The following WWOX variants were observed in gnomAD, a reference collection of about 807,000 sequenced individuals.
WWOX encodes the protein WW domain containing oxidoreductase.
A neutral mutation model predicts 46.2 loss-of-function variants in WWOX; 69 were observed. The ratio of observed to expected loss-of-function variants is 1.49; its 90% confidence interval spans 1.23 to 1.82. The LOEUF is 1.82. Ranked by LOEUF, WWOX falls within the 40% of genes most tolerant of loss-of-function variation. The pLI, the probability that WWOX is intolerant of heterozygous loss-of-function variation, is 0.00. For synonymous variants in WWOX, 359 were observed against 202.6 expected (o/e 1.77, Z -6.56); for missense variants, 919 against 542.6 (o/e 1.69, Z -6.89).
intron 8 of WWOX, among the ~76,000 whole-genome samples, chr16:79,095,397 G>C (rs1025999528): frequency 3.9e-5 from 6 of 152,082 alleles, no homozygotes; most frequent in African/African-American, 1.4e-4. Flanking sequence ...TCAGAATGGA[G>C]AAATTGAGGC....
At chr16:78,806,140 C>A (rs1052161325) in intron 8 of WWOX, among the ~76,000 whole-genome samples, 1 of 152,112 alleles carries the variant, frequency 6.6e-6, no homozygotes, top group Admixed American at 6.6e-5. Context: ...TCTTTTCTTT[C>A]AAATGTTTCA....
intron 8 of WWOX, among the ~76,000 whole-genome samples, chr16:78,456,365 C>T (rs977316734): frequency 1.3e-5 from 2 of 150,796 alleles, no homozygotes; most frequent in African/African-American, 5.0e-5. Context: ...GTACAAGTAG[C>T]AATGGAAACA....
At chr16:78,417,984 G>A (rs2082837761) in intron 6 of WWOX, among the ~76,000 whole-genome samples, 2 of 152,170 alleles carry the variant, frequency 1.3e-5, no homozygotes, top group Admixed American at 1.3e-4. Context: ...AATAAGATTT[G>A]CATGAATACT....
intron 5 of WWOX, among the ~76,000 whole-genome samples, chr16:78,279,506 A>G (rs937900835): frequency 5.3e-5 from 8 of 152,144 alleles, no homozygotes; most frequent in South Asian, 4.1e-4. Context: ...ATCAATTTCA[A>G]TTTCTTCAGT....
rs562925342 is a variant in WWOX, at chr16:78,682,619, C to T, written c.1056+249867C>T. Among the ~76,000 whole-genome samples the T allele has an allele frequency of 3.0e-4, 46 of 152,214 alleles. No individual in the cohort carries two copies. The Middle Eastern group carries it at 0.01, about 34-fold the overall frequency. On this transcript the variant is annotated intron_variant, in intron 8 of 8. Coordinates refer to ENST00000566780, the MANE Select transcript of WWOX (RefSeq NM_016373.4). ...GAAGGCCACATGTGGTGGTTCACCC[C>T]TGTAATCCCAGCAGTCTGTGAGACT...
chr16:78,495,625 C>G (rs940169476), intron 8 of WWOX, among the ~76,000 whole-genome samples: 4 of 151,552 alleles, frequency 2.6e-5, no homozygotes, highest in African/African-American at 9.7e-5. Flanking sequence ...TCTCTTGCCT[C>G]AACCTCCCGA....
At chr16:79,018,739 G>A (rs1374891430) in intron 8 of WWOX, among the ~76,000 whole-genome samples, 1 of 152,026 alleles carries the variant, frequency 6.6e-6, no homozygotes, top group Non-Finnish European at 1.5e-5. Context: ...CATAAACCAG[G>A]GTCTTTCCTA....
intron 8 of WWOX, among the ~76,000 whole-genome samples, chr16:78,914,000 C>T (rs540998714): frequency 2.0e-5 from 3 of 151,930 alleles, no homozygotes; most frequent in African/African-American, 7.2e-5. Context: ...CCAGGAAATT[C>T]ACTGATATTA....
intron 8 of WWOX, among the ~76,000 whole-genome samples, chr16:78,934,629 G>A (rs1298735405): frequency 2.0e-5 from 3 of 151,026 alleles, no homozygotes; most frequent in Non-Finnish European, 4.4e-5. Flanking sequence ...CCACCACCAC[G>A]CAGGCCTTGC....
intron 8 of WWOX, among the ~76,000 whole-genome samples, chr16:78,813,446 G>C (rs2051248393): frequency 6.6e-6 from 1 of 152,170 alleles, no homozygotes; most frequent in East Asian, 1.9e-4. Context: ...AGTTTTGCTA[G>C]AGTCCAAGAT....
At chr16:78,539,143 T>C (rs576160947) in intron 8 of WWOX, among the ~76,000 whole-genome samples, 1 of 152,358 alleles carries the variant, frequency 6.6e-6, no homozygotes, top group East Asian at 1.9e-4. Context: ...TAATGATGTT[T>C]TATTGAATTT....
At chr16:78,778,528 C>G (rs2050247109) in intron 8 of WWOX, among the ~76,000 whole-genome samples, 2 of 152,146 alleles carry the variant, frequency 1.3e-5, no homozygotes, top group African/African-American at 4.8e-5. Flanking sequence ...AGTCATTTCA[C>G]AATTTGGGTG....
rs370014722 is a variant in WWOX at position 78,272,338 on chromosome 16, A to G, written c.516+108049A>G. On this transcript the variant is annotated intron_variant, in intron 5 of 8. Transcript: ENST00000566780. ...GGGACTCTTACCCAGAGCCCTACAC[A>G]TGGCCTTTCCTGCATGGCAGATATA... Among the ~76,000 whole-genome samples, 8 of 152,290 alleles carry G rather than the reference A, an allele frequency of 5.3e-5. No individual in the cohort carries two copies. In the East Asian group the frequency reaches 7.8e-4, roughly 15 times the overall value.
intron 8 of WWOX, among the ~76,000 whole-genome samples, chr16:79,058,842 T>C (rs1307917348): frequency 6.6e-6 from 1 of 152,236 alleles, no homozygotes; most frequent in East Asian, 1.9e-4. Flanking sequence ...TTGTGTATTT[T>C]TATTTGCTAA....
intron 8 of WWOX, among the ~76,000 whole-genome samples, chr16:78,700,244 G>T (rs2048184064): frequency 6.6e-6 from 1 of 150,620 alleles, no homozygotes; most frequent in African/African-American, 2.4e-5. Context: ...AGCATGGTTG[G>T]TTTCTGGTGA....
intron 8 of WWOX, among the ~76,000 whole-genome samples, chr16:78,587,193 CTTTTTTTT>C (rs528293412): frequency 0.078 from 8,766 of 112,902 alleles, 1,000 homozygotes; most frequent in African/African-American, 0.27. Flanking sequence ...GCCTGGCTAA[CTTTTTTTT>C]TTTTTTTTTT....
intron 8 of WWOX, among the ~76,000 whole-genome samples, chr16:78,918,400 C>G (rs905623523): frequency 2.0e-5 from 3 of 152,052 alleles, no homozygotes; most frequent in African/African-American, 7.2e-5. Flanking sequence ...TCCAGGCTGG[C>G]TTCTTACCTA....
chr16:78,574,452 A>AGAC (rs1170365675), intron 8 of WWOX, among the ~76,000 whole-genome samples: 2 of 152,016 alleles, frequency 1.3e-5, no homozygotes, highest in African/African-American at 2.4e-5. Context: ...ATGTCTCTGA[A>AGAC]GACTGTAAGA....
At chr16:79,061,893 T>G (rs1222902341) in intron 8 of WWOX, among the ~76,000 whole-genome samples, 1 of 152,226 alleles carries the variant, frequency 6.6e-6, no homozygotes, top group South Asian at 2.1e-4. Context: ...TCCCATTACA[T>G]ACATGGAATG....
Sources: allele counts gnomAD v4.1 joint callset (sites outside exome capture counted in the v4.1 genomes callset), GRCh38; gene constraint gnomAD v4.1.1; transcripts MANE v1.5; gene names NCBI Gene and HGNC (gene_info 2026-07-23, HGNC 2026-07-21).